Variants in AATK observed in about 807,000 individuals in gnomAD.
AATK encodes serine/threonine-protein kinase LMTK1.
Under a neutral mutation model 114.3 loss-of-function variants are expected in AATK, and 91 were observed. The observed-to-expected ratio is 0.80, with a 90% CI of 0.67 to 0.95. AATK has a LOEUF of 0.95. Among genes scored for constraint, AATK ranks in the 40% least tolerant of loss-of-function variants. The pLI is 0.00. For synonymous variants in AATK, 1,075 were observed against 916.5 expected (o/e 1.17, Z -3.12); for missense variants, 2,176 against 1,965.2 (o/e 1.11, Z -2.03).
chr17:81,120,906 G>A lies in AATK; in HGVS notation c.3030C>T (p.Gly1010=), dbSNP rs1410289324. 1 of 1,594,590 alleles carries A rather than the reference G, an allele frequency of 6.3e-7. No individual in the cohort carries two copies. The highest frequency in any genetic ancestry group is 8.5e-7 in the Non-Finnish European group (1 of 1,171,146). The change falls in exon 11 of 14, where the codon GGC becomes GGT. Residue 1010 remains glycine (G), a synonymous_variant. Transcript: ENST00000326724. ...GGTCCCCGCCGCACTTCTTCTCTGG[G>A]CCTGAGGTGGCCTCGGCCTCAGCCT... ...DLEAEAEATS[G]PEKKCGGDRA... is the part of the protein sequence containing the mutation.
At chr17:81,153,660 G>T (rs140678890) in intron 1 of AATK, among the ~76,000 whole-genome samples, 66 of 152,246 alleles carry the variant, frequency 4.3e-4, no homozygotes, top group Middle Eastern at 3.4e-3. Context: ...CCAAATCTGC[G>T]GTCTGTGTAT....
At chr17:81,140,528 G>A (rs899090192) in intron 1 of AATK, among the ~76,000 whole-genome samples, 14 of 152,244 alleles carry the variant, frequency 9.2e-5, no homozygotes, top group Non-Finnish European at 2.1e-4. Flanking sequence ...TTTAGGTAAG[G>A]ACGTGAGGCG....
Position 81,118,123 on chromosome 17 carries a change from T to C in AATK, c.*279A>G, listed in dbSNP as rs1288839230. 2.0e-6 allele frequency: 1 copy of C among 493,984 alleles called. No homozygotes were observed. Among genetic ancestry groups the C allele is most frequent in the Non-Finnish European group, 3.7e-6 (1 of 273,110 alleles). The allele number at this position is 493,984 out of a possible 1,614,324, so 30.6% of individuals were successfully genotyped here. On this transcript the variant is annotated 3_prime_UTR_variant, in exon 14 of 14. Transcript: ENST00000326724. ...CACTGGCCCCTTTTGAGTGTGTATGTGTGTACAGACACCCACTGTGGCTCC... is the reference window on the plus strand; with the variant it reads ...CACTGGCCCCTTTTGAGTGTGTATGCGTGTACAGACACCCACTGTGGCTCC...
At chr17:81,157,903 G>T (rs780435232) in intron 1 of AATK, among the ~76,000 whole-genome samples, 2 of 152,198 alleles carry the variant, frequency 1.3e-5, no homozygotes, top group African/African-American at 4.8e-5. Flanking sequence ...CCCGCTCTTC[G>T]TGGGGGCCTA....
At chr17:81,138,368 C>G (rs1294621891) in intron 1 of AATK, among the ~76,000 whole-genome samples, 3 of 149,648 alleles carry the variant, frequency 2.0e-5, no homozygotes, top group Admixed American at 2.0e-4. Flanking sequence ...CACACACTCC[C>G]ATGGACACAC....
intron 13 of AATK, 124 bp from the exon 14 acceptor site, chr17:81,118,566 C>G: frequency 3.1e-6 from 3 of 980,454 alleles, no homozygotes; most frequent in South Asian, 3.0e-5. Flanking sequence ...TGCAGCAGAT[C>G]TGGCTGTGTC....
intron 13 of AATK, among the ~76,000 whole-genome samples, chr17:81,118,943 G>A (rs888138232): frequency 1.4e-4 from 21 of 152,212 alleles, no homozygotes; most frequent in Admixed American, 8.5e-4. Context: ...GGGGTGGGGC[G>A]GATAGTGGAG....
At chr17:81,145,209 G>T (rs2061198258) in intron 1 of AATK, among the ~76,000 whole-genome samples, 3 of 148,350 alleles carry the variant, frequency 2.0e-5, no homozygotes, top group Non-Finnish European at 1.5e-5. Flanking sequence ...CTCCTGCCTG[G>T]GCTATCGATA....
chr17:81,166,041 A>ACGCCCG lies in AATK; in HGVS notation c.-55_-50dup. The stretch of plus-strand genomic sequence containing the variant: ...ATCCCGGGAGGGCGCTGCGCTCAGG[A>ACGCCCG]CGCCCGCGGCCCCGGCCCGAGCCGC... On this transcript the variant is annotated 5_prime_UTR_variant, in exon 1 of 14. Transcript: ENST00000326724. The ACGCCCG allele has an allele frequency of 7.1e-7, 1 of 1,407,920 alleles. No homozygotes were observed. The highest frequency in any genetic ancestry group is 1.5e-5 in the African/African-American group (1 of 65,188). 87.2% of individuals were successfully genotyped at this position (1,407,920 alleles called of 1,614,324 possible).
chr17:81,133,255 G>A (rs1416292691), intron 2 of AATK: 1 of 485,634 alleles, frequency 2.1e-6, no homozygotes, highest in African/African-American at 2.0e-5. Flanking sequence ...GTGGCCTTTA[G>A]AAAAGGCAAA....
intron 12 of AATK, 58 bp from the exon 13 acceptor site, chr17:81,119,638 C>T: frequency 5.3e-6 from 7 of 1,329,594 alleles, no homozygotes; most frequent in South Asian, 1.4e-5. Flanking sequence ...GGCCCGGCCC[C>T]GCTCCCACAG....
At chr17:81,132,959 C>CA (rs1598933278) in intron 2 of AATK, 1 of 289,966 alleles carries the variant, frequency 3.4e-6, no homozygotes. Context: ...GCCACTTATA[C>CA]AATAGCCCCA....
At chr17:81,142,199 T>TCCAC (rs200669839) in intron 1 of AATK, among the ~76,000 whole-genome samples, 4,968 of 152,216 alleles carry the variant, frequency 0.033, 97 homozygotes, top group South Asian at 0.053. Flanking sequence ...CTTCAGGTGA[T>TCCAC]CCACCCACCT....
chr17:81,165,803 C>G (rs1039476417), intron 1 of AATK, 135 bp downstream of exon 1: 2 of 1,499,426 alleles, frequency 1.3e-6, no homozygotes, highest in Non-Finnish European at 1.8e-6. Flanking sequence ...CCAGGGGGTC[C>G]GGCTGCTTCT....
chr17:81,138,371 G>A lies in AATK; in HGVS notation c.56-3870C>T, dbSNP rs565386387. On this transcript the variant is annotated intron_variant, in intron 1 of 13. Coordinates refer to ENST00000326724, the MANE Select transcript of AATK (RefSeq NM_001080395.3). Reference sequence around the variant, plus strand: ...CATACCCACGCACACACACTCCCATGGACACACGGGCACACGTGCACACAC... The same window carrying A: ...CATACCCACGCACACACACTCCCATAGACACACGGGCACACGTGCACACAC... Among the ~76,000 whole-genome samples, 149 of 116,654 alleles carry A rather than the reference G, an allele frequency of 1.3e-3. 1 individual carries two copies. Among genetic ancestry groups the A allele is most frequent in the Non-Finnish European group, 1.6e-4 (9 of 56,214 alleles). The allele number at this position is 116,654 out of a possible 152,430, so 76.5% of individuals were successfully genotyped here. A position where few individuals can be genotyped will look rare whatever the true frequency, so the allele number is the denominator to read the frequency against.
Position 81,124,704 on chromosome 17 carries a change from G to A in AATK, c.962+23C>T, listed in dbSNP as rs200075584. 3.7e-4 allele frequency: 588 copies of A among 1,607,452 alleles called. 3 individuals are homozygous for A. In the African/African-American group the frequency reaches 3.8e-3, roughly 10 times the overall value. On this transcript the variant is annotated intron_variant, in intron 9 of 13. Coordinates refer to ENST00000326724, the MANE Select transcript of AATK (RefSeq NM_001080395.3). ...GTGGCACTCGGCCTCGGCCCCTCACGGTGCCACCAGGGCCGCACTCACCAC... is the reference window on the plus strand; with the variant it reads ...GTGGCACTCGGCCTCGGCCCCTCACAGTGCCACCAGGGCCGCACTCACCAC...
chr17:81,144,383 G>C (rs2146370083), intron 1 of AATK, among the ~76,000 whole-genome samples: 1 of 152,344 alleles, frequency 6.6e-6, no homozygotes, highest in Non-Finnish European at 1.5e-5. Context: ...GTTCACACCT[G>C]GGGCAAGGTA....
At chr17:81,130,523 G>A (rs887909836) in intron 3 of AATK, among the ~76,000 whole-genome samples, 1 of 152,126 alleles carries the variant, frequency 6.6e-6, no homozygotes, top group African/African-American at 2.4e-5. Context: ...CTCGCAGCCT[G>A]AGTGAAAGGC....
At position 81,122,229 on chromosome 17, in the gene AATK, G is replaced by A. The variant is rs576672954; in HGVS notation, c.1707C>T (p.Ala569=). ...GCAGCGGCTCCATGGCCAGCGAGGC[G>A]GCGGTGCTGCCGTCAGAGTCGTCGT... is the stretch of plus-strand genomic sequence containing the variant. The part of the protein sequence containing the change: ...DQDDDSDGST[A]ASLAMEPLLG... The change falls in exon 11 of 14, where the codon GCC becomes GCT. Residue 569 remains alanine (A), a synonymous_variant. Transcript: ENST00000326724. 8.7e-5 allele frequency: 130 copies of A among 1,493,564 alleles called. 5 individuals are homozygous for A. The South Asian group carries it at 1.4e-3, about 16-fold the overall frequency. The allele number at this position is 1,493,564 out of a possible 1,614,324, so 92.5% of individuals were successfully genotyped here.
Sources: allele counts gnomAD v4.1 joint callset (sites outside exome capture counted in the v4.1 genomes callset), GRCh38; gene constraint gnomAD v4.1.1; transcripts MANE v1.5; gene names NCBI Gene and HGNC (gene_info 2026-07-23, HGNC 2026-07-21).